The following DLG2 variants were observed in gnomAD, a reference collection of about 807,000 sequenced individuals.
The protein encoded by DLG2 is discs large MAGUK scaffold protein 2.
In DLG2, 45 loss-of-function variants were observed where a neutral mutation model predicts 132.5. That is an observed-to-expected ratio of 0.34 (90% CI 0.27 to 0.44). The LOEUF is 0.44. DLG2 is among the 20% of genes least tolerant of loss of function. The pLI is 1.00. For missense variants in DLG2, 1,045 were observed against 1,196.9 expected (o/e 0.87, Z 1.87); for synonymous variants, 424 against 419.6 (o/e 1.01, Z -0.13).
intron 4 of DLG2, among the ~76,000 whole-genome samples, chr11:85,279,204 G>A (rs1034025529): frequency 4.6e-5 from 7 of 152,048 alleles, no homozygotes; most frequent in Non-Finnish European, 8.8e-5. Flanking sequence ...AAAGATAGCC[G>A]GGCAGAGCTG....
chr11:85,054,158 G>C (rs1445353082), intron 6 of DLG2, among the ~76,000 whole-genome samples: 3 of 151,676 alleles, frequency 2.0e-5, no homozygotes, highest in African/African-American at 7.3e-5. Context: ...CCAGATACTG[G>C]GGAGGCTGAG....
chr11:84,814,256 G>A (rs1270816622), intron 6 of DLG2, among the ~76,000 whole-genome samples: 1 of 152,036 alleles, frequency 6.6e-6, no homozygotes, highest in Non-Finnish European at 1.5e-5. Context: ...GTTGAGCAGT[G>A]GATGAGCATA....
intron 4 of DLG2, among the ~76,000 whole-genome samples, chr11:85,229,012 G>C (rs1365843945): frequency 6.7e-6 from 1 of 149,482 alleles, no homozygotes; most frequent in Non-Finnish European, 1.5e-5. Flanking sequence ...GTTTATTTTA[G>C]GAATTATAAT....
At chr11:85,204,943 A>G (rs1037583721) in intron 4 of DLG2, among the ~76,000 whole-genome samples, 1 of 152,080 alleles carries the variant, frequency 6.6e-6, no homozygotes, top group Non-Finnish European at 1.5e-5. Flanking sequence ...GGGACAGACT[A>G]TTCAAGAAAT....
chr11:85,236,872 T>C (rs566712629), intron 4 of DLG2, among the ~76,000 whole-genome samples: 74 of 152,134 alleles, frequency 4.9e-4, no homozygotes, highest in Admixed American at 1.8e-3. Context: ...AACAATTTCA[T>C]CTGTAAGAAT....
intron 6 of DLG2, among the ~76,000 whole-genome samples, chr11:84,813,055 T>A (rs117087530): frequency 6.6e-6 from 1 of 152,252 alleles, no homozygotes; most frequent in East Asian, 1.9e-4. Flanking sequence ...AGGCTGTTTA[T>A]CCTTAAAAAG....
In DLG2 at chr11:84,013,221, G is replaced by T. The variant is rs145793187; in HGVS notation, c.920-32579C>A. The stretch of plus-strand genomic sequence containing the variant: ...ATGGAAAGCAGAGATTTTGAAGCCA[G>T]CTATTATAGCCACCTTATCTTCTTT... On this transcript the variant is annotated intron_variant, in intron 11 of 27. Coordinates refer to ENST00000376104, the MANE Select transcript of DLG2 (RefSeq NM_001142699.3). 3.9e-3 allele frequency among the ~76,000 whole-genome samples: 599 copies of T among 152,236 alleles called. 1 individual carries two copies. Among genetic ancestry groups the T allele is most frequent in the Non-Finnish European group, 6.6e-3 (447 of 68,002 alleles).
intron 10 of DLG2, among the ~76,000 whole-genome samples, chr11:84,088,464 G>C (rs1356912694): frequency 6.6e-6 from 1 of 152,064 alleles, no homozygotes; most frequent in Non-Finnish European, 1.5e-5. Flanking sequence ...TCCTTTATTG[G>C]AATATATGGC....
At chr11:85,321,213 AAGT>A (rs2081044935) in intron 3 of DLG2, among the ~76,000 whole-genome samples, 1 of 151,888 alleles carries the variant, frequency 6.6e-6, no homozygotes. Context: ...GAGAGAGAAA[AAGT>A]AGTTTTTTAG....
intron 6 of DLG2, among the ~76,000 whole-genome samples, chr11:85,045,976 C>A (rs895748947): frequency 3.9e-5 from 6 of 151,966 alleles, no homozygotes; most frequent in African/African-American, 7.2e-5. Context: ...CAGTGAAAAG[C>A]TTCATCTAAA....
intron 3 of DLG2, among the ~76,000 whole-genome samples, chr11:85,316,352 G>C (rs758177377): frequency 6.6e-6 from 1 of 151,940 alleles, no homozygotes; most frequent in Non-Finnish European, 1.5e-5. Flanking sequence ...AAGCTATCCT[G>C]ATGTTTAGTT....
rs560578159 is a variant in DLG2, at chr11:83,654,038, C to G, written c.1826-20713G>C. On this transcript the variant is annotated intron_variant, in intron 18 of 27. Coordinates refer to ENST00000376104, the MANE Select transcript of DLG2 (RefSeq NM_001142699.3). Reference sequence around the variant, plus strand: ...CCTGGCCAAGAATTTTTTTTTTTAACTAGTGAATATTAAATTTTGAAGTGC... The same window carrying G: ...CCTGGCCAAGAATTTTTTTTTTTAAGTAGTGAATATTAAATTTTGAAGTGC... 8.6e-5 allele frequency among the ~76,000 whole-genome samples: 13 copies of G among 151,968 alleles called. No individual in the cohort carries two copies. In the East Asian group the frequency reaches 2.5e-3, roughly 29 times the overall value.
chr11:84,905,020 C>T (rs539548106), intron 6 of DLG2, among the ~76,000 whole-genome samples: 3 of 152,162 alleles, frequency 2.0e-5, no homozygotes, highest in Non-Finnish European at 2.9e-5. Flanking sequence ...GGATTATAGG[C>T]GTGCACCACC....
chr11:84,929,462 G>A (rs949310214), intron 6 of DLG2, among the ~76,000 whole-genome samples: 1 of 151,932 alleles, frequency 6.6e-6, no homozygotes, highest in African/African-American at 2.4e-5. Flanking sequence ...CAATACTCAG[G>A]CAAAATTCCA....
chr11:85,139,213 T>C (rs1205589518), intron 5 of DLG2, among the ~76,000 whole-genome samples: 1 of 152,140 alleles, frequency 6.6e-6, no homozygotes, highest in Non-Finnish European at 1.5e-5. Context: ...ATCTGAAGTT[T>C]ACCAGTGAGA....
intron 11 of DLG2, among the ~76,000 whole-genome samples, chr11:83,981,857 C>T (rs2154174957): frequency 6.6e-6 from 1 of 152,258 alleles, no homozygotes; most frequent in South Asian, 2.1e-4. Context: ...ATGGCTTATA[C>T]AATCTTAACT....
chr11:83,801,475 T>C (rs1056253702), intron 17 of DLG2, among the ~76,000 whole-genome samples: 1 of 152,214 alleles, frequency 6.6e-6, no homozygotes, highest in African/African-American at 2.4e-5. Context: ...CTTATTCCAC[T>C]CTGTCTTCTT....
At position 83,519,128 on chromosome 11, in the gene DLG2, A is replaced by T. The variant is rs533478031; in HGVS notation, c.2193+13580T>A. Among the ~76,000 whole-genome samples the T allele has an allele frequency of 2.0e-5, 3 of 152,282 alleles. No homozygotes were observed. The East Asian group carries it at 5.8e-4, about 29-fold the overall frequency. ...ACTCCAAGGTGTCAGTCTCAGTACTAGGGGCTGGGTAAATGGTATGGAGTA... is the reference window on the plus strand; with the variant it reads ...ACTCCAAGGTGTCAGTCTCAGTACTTGGGGCTGGGTAAATGGTATGGAGTA... On this transcript the variant is annotated intron_variant, in intron 21 of 27. Transcript: ENST00000376104.
intron 18 of DLG2, among the ~76,000 whole-genome samples, chr11:83,639,646 T>C (rs902741970): frequency 4.6e-5 from 7 of 151,892 alleles, no homozygotes; most frequent in Admixed American, 2.0e-4. Flanking sequence ...TTAGGAGATA[T>C]ACCTAATGTT....
Sources: gnomAD v4.1 joint callset for allele counts (sites outside exome capture counted in the v4.1 genomes callset) on GRCh38, gnomAD v4.1.1 for gene constraint, MANE v1.5 for transcripts, NCBI Gene and HGNC (gene_info 2026-07-23, HGNC 2026-07-21) for gene names.